LHFPL6: variants seen among roughly 807,000 people sequenced by gnomAD.
LHFPL6 encodes the protein LHFPL tetraspan subfamily member 6 protein.
A neutral mutation model predicts 20.6 loss-of-function variants in LHFPL6; 9 were observed. That is an observed-to-expected ratio of 0.44 (90% CI 0.26 to 0.76). The LOEUF (loss-of-function observed/expected upper bound fraction) is 0.76. LHFPL6 is among the 30% of genes least tolerant of loss of function. The pLI is 0.20. For synonymous variants in LHFPL6, 105 were observed against 98.7 expected, an observed-to-expected ratio of 1.06 and a Z score of -0.38; for missense variants, 218 against 253.5, an observed-to-expected ratio of 0.86 and a Z score of 0.95.
rs376196865 is a variant in LHFPL6, at chr13:39,463,828, C to T, written c.386-85302G>A. On this transcript the variant is annotated intron_variant, in intron 2 of 3. Transcript: ENST00000379589. ...ATTGGTTGCACGCAAGTTAACAAGC[C>T]CTGATTTGTAGACTGCAAATATGAC... Among the ~76,000 whole-genome samples, 4 of 152,198 alleles carry T rather than the reference C, an allele frequency of 2.6e-5. No individual in the cohort carries two copies. In the East Asian group the frequency reaches 5.8e-4, roughly 22 times the overall value.
chr13:39,527,484 AC>A (rs1343964513), intron 2 of LHFPL6, among the ~76,000 whole-genome samples: 1 of 151,694 alleles, frequency 6.6e-6, no homozygotes, highest in East Asian at 1.9e-4. Flanking sequence ...ACAACCGACA[AC>A]ATGGTTCCAT....
intron 2 of LHFPL6, among the ~76,000 whole-genome samples, chr13:39,522,890 G>A (rs1870156308): frequency 2.0e-5 from 3 of 152,330 alleles, no homozygotes; most frequent in Middle Eastern, 3.4e-3. Context: ...AGCAGAATGA[G>A]CACATGATTA....
At chr13:39,388,654 C>A (rs10492739) in intron 2 of LHFPL6, among the ~76,000 whole-genome samples, 19,548 of 152,088 alleles carry the variant, frequency 0.13, 1,327 homozygotes, top group South Asian at 0.2. Context: ...ATTTCTGTAA[C>A]AGTGACTTTA....
At chr13:39,521,588 TTTG>T (rs1486668579) in intron 2 of LHFPL6, among the ~76,000 whole-genome samples, 2 of 152,110 alleles carry the variant, frequency 1.3e-5, no homozygotes, top group East Asian at 1.9e-4. Flanking sequence ...ACGGGTTGGG[TTTG>T]TTGTTGTTGT....
intron 3 of LHFPL6, among the ~76,000 whole-genome samples, chr13:39,355,283 T>C (rs1429785204): frequency 6.6e-6 from 1 of 152,004 alleles, no homozygotes; most frequent in African/African-American, 2.4e-5. Context: ...AATTTCATTC[T>C]AGCCAAACTA....
chr13:39,500,901 A>G (rs1018574947), intron 2 of LHFPL6, among the ~76,000 whole-genome samples: 1 of 152,198 alleles, frequency 6.6e-6, no homozygotes, highest in Non-Finnish European at 1.5e-5. Context: ...TTGAGTGAGC[A>G]TGAGAATCAC....
intron 2 of LHFPL6, among the ~76,000 whole-genome samples, chr13:39,447,360 A>AT (rs928703279): frequency 1.3e-4 from 19 of 151,990 alleles, no homozygotes; most frequent in East Asian, 5.8e-4. Flanking sequence ...ACTTCACGAT[A>AT]TTTTTTTTAA....
intron 3 of LHFPL6, among the ~76,000 whole-genome samples, chr13:39,356,236 T>C (rs1427891470): frequency 6.6e-6 from 1 of 152,184 alleles, no homozygotes; most frequent in Non-Finnish European, 1.5e-5. Flanking sequence ...CAAAACCACA[T>C]AATTACATGA....
At chr13:39,357,376 C>G (rs111685265) in intron 3 of LHFPL6, among the ~76,000 whole-genome samples, 6,464 of 152,188 alleles carry the variant, frequency 0.042, 152 homozygotes, top group Non-Finnish European at 0.05. Flanking sequence ...CTATGACAAA[C>G]CCACAGCCAA....
chr13:39,471,102 T>C (rs1229623607), intron 2 of LHFPL6, among the ~76,000 whole-genome samples: 3 of 152,168 alleles, frequency 2.0e-5, no homozygotes, highest in Non-Finnish European at 4.4e-5. Flanking sequence ...ACAACCATCA[T>C]GCAGTTATGG....
At chr13:39,376,273 G>T (rs1323021072) in intron 3 of LHFPL6, among the ~76,000 whole-genome samples, 1 of 152,140 alleles carries the variant, frequency 6.6e-6, no homozygotes, top group East Asian at 1.9e-4. Flanking sequence ...GCCAAGCACT[G>T]TATTAAAATA....
chr13:39,434,833 G>A lies in LHFPL6; in HGVS notation c.386-56307C>T, dbSNP rs900507501. On this transcript the variant is annotated intron_variant, in intron 2 of 3. Coordinates refer to ENST00000379589, the MANE Select transcript of LHFPL6 (RefSeq NM_005780.3). Reference sequence around the variant, plus strand: ...GCACTTTGGGAGGCCGAGGCGGGTGGATCATGAGGTCAGGAGATTGAGACC... The same window carrying A: ...GCACTTTGGGAGGCCGAGGCGGGTGAATCATGAGGTCAGGAGATTGAGACC... Among the ~76,000 whole-genome samples the A allele has an allele frequency of 3.3e-5, 5 of 151,880 alleles. No individual in the cohort carries two copies. The East Asian group carries it at 5.8e-4, about 18-fold the overall frequency.
chr13:39,598,221 G>C (rs1292265370), intron 2 of LHFPL6, among the ~76,000 whole-genome samples: 1 of 151,578 alleles, frequency 6.6e-6, no homozygotes, highest in Non-Finnish European at 1.5e-5. Context: ...TACTGCATAA[G>C]TTTTTGTGAA....
At chr13:39,432,815 A>T (rs543877520) in intron 2 of LHFPL6, among the ~76,000 whole-genome samples, 2 of 152,238 alleles carry the variant, frequency 1.3e-5, no homozygotes, top group Non-Finnish European at 2.9e-5. Flanking sequence ...ACTGCCTACC[A>T]CATAATAAGT....
At chr13:39,434,872 A>C (rs2138408473) in intron 2 of LHFPL6, among the ~76,000 whole-genome samples, 1 of 151,886 alleles carries the variant, frequency 6.6e-6, no homozygotes, top group Admixed American at 6.5e-5. Flanking sequence ...CTGGCTAACA[A>C]GGTGAAACCC....
chr13:39,398,265 T>A (rs1566102253), intron 2 of LHFPL6, among the ~76,000 whole-genome samples: 1 of 152,156 alleles, frequency 6.6e-6, no homozygotes, highest in East Asian at 1.9e-4. Flanking sequence ...AATTGTAAAA[T>A]CTCCTAAGGA....
intron 2 of LHFPL6, among the ~76,000 whole-genome samples, chr13:39,404,133 C>A (rs1208751383): frequency 6.6e-6 from 1 of 152,166 alleles, no homozygotes; most frequent in African/African-American, 2.4e-5. Context: ...ATTAAATAAG[C>A]ACGTGATGGA....
intron 2 of LHFPL6, among the ~76,000 whole-genome samples, chr13:39,562,695 CATAT>C (rs146575323): frequency 8.9e-5 from 13 of 146,468 alleles, no homozygotes; most frequent in African/African-American, 2.5e-4. Flanking sequence ...CACACACACA[CATAT>C]ATATATATAC....
intron 2 of LHFPL6, among the ~76,000 whole-genome samples, chr13:39,474,622 T>G (rs1566119808): frequency 6.6e-6 from 1 of 152,230 alleles, no homozygotes; most frequent in Non-Finnish European, 1.5e-5. Context: ...GTTAATGTAA[T>G]GCCATGACAC....
Sources: gnomAD v4.1 joint callset for allele counts (sites outside exome capture counted in the v4.1 genomes callset) on GRCh38, gnomAD v4.1.1 for gene constraint, MANE v1.5 for transcripts, NCBI Gene and HGNC (gene_info 2026-07-23, HGNC 2026-07-21) for gene names.